The following PRKD3 variants were observed in gnomAD, a reference collection of about 807,000 sequenced individuals.
PRKD3 encodes the protein serine/threonine-protein kinase D3.
In PRKD3, 47 loss-of-function variants were observed where a neutral mutation model predicts 99.2. The observed-to-expected ratio is 0.47, with a 90% CI of 0.38 to 0.60. PRKD3 has a LOEUF of 0.60. Ranked by LOEUF, PRKD3 falls within the 20% of genes least tolerant of loss-of-function variation. The pLI is 0.00. For synonymous variants in PRKD3, 392 were observed against 355.4 expected (o/e 1.10, Z -1.16); for missense variants, 1,019 against 1,088.4 (o/e 0.94, Z 0.90).
intron 1 of PRKD3, among the ~76,000 whole-genome samples, chr2:37,323,742 T>C (rs1444349853): frequency 1.3e-5 from 2 of 152,230 alleles, no homozygotes; most frequent in Non-Finnish European, 2.9e-5. Flanking sequence ...TTAAAAGTTC[T>C]TGTTCCATTT....
chr2:37,253,655 G>A (rs887428562), intron 18 of PRKD3, among the ~76,000 whole-genome samples: 4 of 152,104 alleles, frequency 2.6e-5, no homozygotes, highest in African/African-American at 7.2e-5. Context: ...TCTATACAAC[G>A]TGAGGCCTAA....
chr2:37,310,111 T>C (rs1321663526), intron 2 of PRKD3, among the ~76,000 whole-genome samples: 1 of 152,084 alleles, frequency 6.6e-6, no homozygotes, highest in Non-Finnish European at 1.5e-5. Flanking sequence ...TTGACATATG[T>C]ATATATTCTA....
intron 11 of PRKD3, 62 bp downstream of exon 11, chr2:37,274,359 A>T (rs1669452911): frequency 2.5e-6 from 4 of 1,573,022 alleles, no homozygotes; most frequent in Admixed American, 3.4e-5. Context: ...GAACACAACC[A>T]TACCCACAAA....
At chr2:37,305,299 C>T (rs992655468) in intron 2 of PRKD3, among the ~76,000 whole-genome samples, 1 of 152,164 alleles carries the variant, frequency 6.6e-6, no homozygotes, top group Admixed American at 6.5e-5. Context: ...TCTAGTGTCA[C>T]GTAAATCGTC....
At chr2:37,294,101 A>G (rs1416031776) in intron 2 of PRKD3, among the ~76,000 whole-genome samples, 1 of 152,156 alleles carries the variant, frequency 6.6e-6, no homozygotes, top group Non-Finnish European at 1.5e-5. Flanking sequence ...AAGAGTTCTC[A>G]AAACCTTTTT....
At chr2:37,313,563 C>T (rs1405762377) in intron 2 of PRKD3, among the ~76,000 whole-genome samples, 1 of 152,014 alleles carries the variant, frequency 6.6e-6, no homozygotes, top group Non-Finnish European at 1.5e-5. Context: ...AAAAAGCATA[C>T]CCAACTATTA....
At position 37,310,965 on chromosome 2, in the gene PRKD3, C is replaced by T. The variant is rs184563151; in HGVS notation, c.288+5272G>A. 2.9e-3 allele frequency among the ~76,000 whole-genome samples: 442 copies of T among 152,236 alleles called. 14 individuals carry two copies. Among genetic ancestry groups the T allele is most frequent in the Admixed American group, 0.024 (367 of 15,294 alleles). Reference sequence around the variant, plus strand: ...AGAGTGAAGAGGGCAGAGATTATCACGAATTTCTTGAATAACTAATTCTAA... The same window carrying T: ...AGAGTGAAGAGGGCAGAGATTATCATGAATTTCTTGAATAACTAATTCTAA... On this transcript the variant is annotated intron_variant, in intron 2 of 18. Transcript: ENST00000234179.
In PRKD3 at chr2:37,278,063, C is replaced by T. The variant is rs1426347946; in HGVS notation, c.1173-74G>A. On this transcript the variant is annotated intron_variant, in intron 8 of 18. Transcript: ENST00000234179. ...ATATAAATACTGTAGGAACATGAAGCCTTTTTAAAGACAACTGAGCTAAAA... is the reference window on the plus strand; with the variant it reads ...ATATAAATACTGTAGGAACATGAAGTCTTTTTAAAGACAACTGAGCTAAAA... 6 of 1,308,510 alleles carry T rather than the reference C, an allele frequency of 4.6e-6. No individual in the cohort carries two copies. The East Asian group carries it at 1.1e-4, about 24-fold the overall frequency. The allele number at this position is 1,308,510 out of a possible 1,614,324, so 81.1% of individuals were successfully genotyped here.
At chr2:37,308,939 G>A (rs1286095931) in intron 2 of PRKD3, among the ~76,000 whole-genome samples, 1 of 151,530 alleles carries the variant, frequency 6.6e-6, no homozygotes, top group African/African-American at 2.4e-5. Flanking sequence ...AGTTATTGTA[G>A]GTTTTTCTTC....
intron 2 of PRKD3, among the ~76,000 whole-genome samples, chr2:37,309,825 C>T (rs1269638878): frequency 2.4e-5 from 3 of 127,350 alleles, no homozygotes; most frequent in Non-Finnish European, 3.1e-5. Context: ...TCCAGCCTGG[C>T]GACAGAGCGA....
At chr2:37,299,817 C>T (rs1035813574) in intron 2 of PRKD3, among the ~76,000 whole-genome samples, 1 of 152,012 alleles carries the variant, frequency 6.6e-6, no homozygotes, top group Non-Finnish European at 1.5e-5. Context: ...CAGAGAAATG[C>T]AAATCAAAAC....
intron 2 of PRKD3, among the ~76,000 whole-genome samples, chr2:37,299,012 A>G (rs1213163451): frequency 1.5e-5 from 2 of 135,770 alleles, no homozygotes; most frequent in Non-Finnish European, 3.4e-5. Context: ...CAGATCTTAG[A>G]GGAAAGGCTT....
intron 15 of PRKD3, 84 bp downstream of exon 15, chr2:37,260,139 A>C (rs963353478): frequency 7.9e-7 from 1 of 1,266,800 alleles, no homozygotes; most frequent in Non-Finnish European, 1.1e-6. Context: ...ACTCCAGCCC[A>C]GGTGACAGAG....
At chr2:37,283,616 T>TAC (rs1217350300) in intron 6 of PRKD3, among the ~76,000 whole-genome samples, 3 of 152,222 alleles carry the variant, frequency 2.0e-5, no homozygotes, top group Non-Finnish European at 4.4e-5. Context: ...TATCTTGCAC[T>TAC]ACCTCTTAAA....
At chr2:37,316,022 G>A (rs1167877941) in intron 2 of PRKD3, among the ~76,000 whole-genome samples, 1 of 152,234 alleles carries the variant, frequency 6.6e-6, no homozygotes, top group Non-Finnish European at 1.5e-5. Context: ...ACTACGCCCA[G>A]CCAAATAAAT....
Position 37,253,301 on chromosome 2 carries a change from T to C in PRKD3, c.2549A>G (p.Glu850Gly). The C allele has an allele frequency of 6.2e-7, 1 of 1,613,132 alleles. No homozygotes were observed. Among genetic ancestry groups the C allele is most frequent in the South Asian group, 1.1e-5 (1 of 90,932 alleles). Residue 850 changes from glutamate (E) to glycine (G), a missense_variant, in exon 19 of 19, where the codon GAA (glutamate) becomes GGA (glycine). This residue lies in a region of PRKD3 where 125 missense variants were observed against 120.6 expected (regional missense o/e 1.04). Transcript: ENST00000234179. ...DLREFETRIG[E>G]RYITHESDDA... is the part of the protein sequence containing the mutation. The stretch of plus-strand genomic sequence containing the variant: ...ATCACTTTCATGTGTAATGTAACGT[T>C]CTCCAATGCGAGTTTCAAATTCTCT...
intron 2 of PRKD3, among the ~76,000 whole-genome samples, chr2:37,295,979 T>A (rs1416771103): frequency 1.3e-5 from 2 of 151,968 alleles, no homozygotes; most frequent in Non-Finnish European, 2.9e-5. Flanking sequence ...GACAAGGAAA[T>A]TTCTCTCCAG....
chr2:37,262,687 CT>C (rs1668557576), intron 14 of PRKD3, among the ~76,000 whole-genome samples: 1 of 151,004 alleles, frequency 6.6e-6, no homozygotes, highest in Non-Finnish European at 1.5e-5. Flanking sequence ...TTTTTCCCCC[CT>C]GCCCTCCTTT....
chr2:37,293,397 T>C (rs963745160), intron 2 of PRKD3, 126 bp from the exon 3 acceptor site: 8 of 915,944 alleles, frequency 8.7e-6, no homozygotes, highest in South Asian at 3.4e-5. Flanking sequence ...AACAATTCTA[T>C]TGATACCTAA....
Sources: gnomAD v4.1 joint callset for allele counts (sites outside exome capture counted in the v4.1 genomes callset) on GRCh38, gnomAD v4.1.1 for gene constraint, gnomAD v4.1.1 regional missense constraint, MANE v1.5 for transcripts, NCBI Gene and HGNC (gene_info 2026-07-23, HGNC 2026-07-21) for gene names.